Variants in RBPJ observed in about 807,000 individuals in gnomAD.
The protein encoded by RBPJ is recombination signal binding protein for immunoglobulin kappa J region.
A neutral mutation model predicts 67.8 loss-of-function variants in RBPJ; 9 were observed. The observed-to-expected ratio is 0.13, with a 90% CI of 0.08 to 0.23. The LOEUF (loss-of-function observed/expected upper bound fraction) is 0.23, where lower values mean the gene tolerates loss of function less well. Among genes scored for constraint, RBPJ ranks in the 10% least tolerant of loss-of-function variants. The pLI, the probability that RBPJ is intolerant of heterozygous loss-of-function variation, is 1.00. For missense variants in RBPJ, 305 were observed against 595.6 expected, an observed-to-expected ratio of 0.51 and a Z score of 5.08; for synonymous variants, 198 against 203.3, an observed-to-expected ratio of 0.97 and a Z score of 0.22.
chr4:26,258,818 A>G (rs1341936764), intron 1 of RBPJ, among the ~76,000 whole-genome samples: 1 of 100,586 alleles, frequency 9.9e-6, no homozygotes, highest in Admixed American at 1.1e-4. Context: ...TTATTTATTT[A>G]TTTTGAGACA....
chr4:26,363,446 A>AT (rs941250110), intron 1 of RBPJ, among the ~76,000 whole-genome samples: 7 of 143,090 alleles, frequency 4.9e-5, no homozygotes, highest in Non-Finnish European at 1.1e-4. Flanking sequence ...CCTATTATTT[A>AT]TTTTTTTGTT....
At chr4:26,319,748 C>A, upstream of RBPJ, 1 of 943,568 alleles carries the variant, frequency 1.1e-6, no homozygotes. Context: ...CGGGCCGCGC[C>A]AATCCTGCAG....
At chr4:26,214,764 AAAAAGAGAAAG>A (rs1379536833) in intron 1 of RBPJ, among the ~76,000 whole-genome samples, 2,809 of 120,244 alleles carry the variant, frequency 0.023, 150 homozygotes, top group African/African-American at 0.089. Context: ...AAAAGAGAGA[AAAAAGAGAAAG>A]AAAGAAAGAA....
intron 1 of RBPJ, among the ~76,000 whole-genome samples, chr4:26,252,916 C>G (rs1255242277): frequency 6.6e-6 from 1 of 152,222 alleles, no homozygotes; most frequent in African/African-American, 2.4e-5. Context: ...GGATTTGCTT[C>G]CTGACCTGGC....
intron 1 of RBPJ, among the ~76,000 whole-genome samples, chr4:26,174,288 T>G (rs188132897): frequency 4.9e-4 from 75 of 152,266 alleles, no homozygotes; most frequent in African/African-American, 1.7e-3. Flanking sequence ...GCAAATACCT[T>G]ATTTCTAGAG....
At chr4:26,234,796 G>A (rs894925646) in intron 1 of RBPJ, among the ~76,000 whole-genome samples, 58 of 152,144 alleles carry the variant, frequency 3.8e-4, no homozygotes, top group African/African-American at 1.4e-3. Context: ...TGGTTCAAGC[G>A]ATTCTCCTGC....
chr4:26,203,435 C>T (rs540039770), intron 1 of RBPJ, among the ~76,000 whole-genome samples: 34 of 152,332 alleles, frequency 2.2e-4, no homozygotes, highest in African/African-American at 7.7e-4. Flanking sequence ...ATACCCCTAT[C>T]TCTCTGTCCC....
chr4:26,329,159 A>G (rs1017105031), intron 1 of RBPJ, among the ~76,000 whole-genome samples: 5 of 151,950 alleles, frequency 3.3e-5, no homozygotes, highest in Admixed American at 3.3e-4. Context: ...ACTTTCAGCT[A>G]ATTTTGTATT....
At chr4:26,114,019 A>G in the RBPJ span, among the ~76,000 whole-genome samples, 1 of 152,256 alleles carries the variant, frequency 6.6e-6, no homozygotes, top group African/African-American at 2.4e-5. Context: ...GTAATGCAGC[A>G]AAAACCTTTA....
chr4:26,273,324 G>A (rs1720972124), intron 1 of RBPJ, among the ~76,000 whole-genome samples: 1 of 152,154 alleles, frequency 6.6e-6, no homozygotes, highest in South Asian at 2.1e-4. Flanking sequence ...TGGCATTTAG[G>A]TTTTATTACA....
chr4:26,297,948 A>T (rs1721939807), intron 1 of RBPJ, among the ~76,000 whole-genome samples: 1 of 152,016 alleles, frequency 6.6e-6, no homozygotes, highest in Admixed American at 6.6e-5. Flanking sequence ...CATCTCCATT[A>T]ACTTTTCTTT....
intron 1 of RBPJ, among the ~76,000 whole-genome samples, chr4:26,242,883 T>C (rs1719696887): frequency 6.6e-6 from 1 of 152,180 alleles, no homozygotes; most frequent in Admixed American, 6.5e-5. Flanking sequence ...TGAAATATGA[T>C]GTTTGCCTTG....
At chr4:26,158,496 A>G (rs558428149), upstream of RBPJ, among the ~76,000 whole-genome samples, 2 of 152,194 alleles carry the variant, frequency 1.3e-5, no homozygotes, top group Admixed American at 6.5e-5. Context: ...GAAGAGCTTT[A>G]CCCTCCAGAT....
At position 26,299,584 on chromosome 4, in the gene RBPJ, T is replaced by G. The variant is rs1283434940; in HGVS notation, c.-166-62862T>G. Among the ~76,000 whole-genome samples the G allele has an allele frequency of 2.6e-5, 4 of 151,790 alleles. No homozygotes were observed. The East Asian group carries it at 5.8e-4, about 22-fold the overall frequency. The stretch of plus-strand genomic sequence containing the variant: ...GGAAAAAGATTTTCGGCATATAAAT[T>G]GTATTAAGTTTATAATACACAAATA... On this transcript the variant is annotated intron_variant, in intron 1 of 4. Coordinates refer to the RBPJ transcript ENST00000512351.
At chr4:26,312,288 C>G (rs1053154095) in intron 1 of RBPJ, among the ~76,000 whole-genome samples, 1 of 152,118 alleles carries the variant, frequency 6.6e-6, no homozygotes, top group East Asian at 1.9e-4. Context: ...CCCGCCACCA[C>G]GCCTGGCTAA....
At chr4:26,127,308 C>T in the RBPJ span, among the ~76,000 whole-genome samples, 1 of 152,192 alleles carries the variant, frequency 6.6e-6, no homozygotes, top group Admixed American at 6.5e-5. Context: ...TTGCTAAAGT[C>T]TTTCCCAATT....
intron 1 of RBPJ, among the ~76,000 whole-genome samples, chr4:26,179,501 C>T (rs190301020): frequency 5.3e-5 from 8 of 151,924 alleles, no homozygotes; most frequent in Admixed American, 3.3e-4. Flanking sequence ...AGTCCATTCA[C>T]GCAAGTACTT....
At chr4:26,106,738 C>G in the RBPJ span, among the ~76,000 whole-genome samples, 435 of 152,272 alleles carry the variant, frequency 2.9e-3, no homozygotes, top group African/African-American at 9.8e-3. Context: ...CCCTTAATCC[C>G]TTTCTCCTTT....
intron 1 of RBPJ, among the ~76,000 whole-genome samples, chr4:26,354,001 G>T (rs1312359810): frequency 6.6e-6 from 1 of 151,446 alleles, no homozygotes; most frequent in African/African-American, 2.4e-5. Context: ...CGTGATCTCG[G>T]CTCACTGCAA....
Sources: gnomAD v4.1 joint callset for allele counts (sites outside exome capture counted in the v4.1 genomes callset) on GRCh38, gnomAD v4.1.1 for gene constraint, MANE v1.5 for transcripts, NCBI Gene and HGNC (gene_info 2026-07-23, HGNC 2026-07-21) for gene names.